The following TMEM117 variants were observed in gnomAD, a reference collection of about 807,000 sequenced individuals.
TMEM117 encodes the protein transmembrane protein 117.
In TMEM117, 27 loss-of-function variants were observed where a neutral mutation model predicts 52.4. That is an observed-to-expected ratio of 0.51 (90% CI 0.38 to 0.71). TMEM117 has a LOEUF of 0.71. Among genes scored for constraint, TMEM117 ranks in the 30% least tolerant of loss-of-function variants. TMEM117 has a pLI of 0.00. For synonymous variants in TMEM117, 215 were observed against 206.3 expected, an observed-to-expected ratio of 1.04 and a Z score of -0.36; for missense variants, 556 against 630.5, an observed-to-expected ratio of 0.88 and a Z score of 1.26.
chr12:44,388,650 C>G lies in TMEM117; in HGVS notation c.1523C>G (p.Ser508Cys), dbSNP rs747606972. Reference sequence around the variant, plus strand: ...GAAGCTGATCAAGACCCAACGACTTCTAAAAGTACACCTACGAACTAGACT... The same window carrying G: ...GAAGCTGATCAAGACCCAACGACTTGTAAAAGTACACCTACGAACTAGACT... ...ATEADQDPTT[S>C]KSTPTN Residue 508 changes from serine to cysteine, a missense_variant, in exon 8 of 8, where the codon TCT becomes TGT. Transcript: ENST00000266534. 4.3e-6 allele frequency: 7 copies of G among 1,613,082 alleles called. No homozygotes were observed. The highest frequency in any genetic ancestry group is 5.1e-6 in the Non-Finnish European group (6 of 1,179,414).
At chr12:44,237,665 C>T (rs988687645) in intron 5 of TMEM117, among the ~76,000 whole-genome samples, 11 of 151,584 alleles carry the variant, frequency 7.3e-5, no homozygotes, top group Admixed American at 1.3e-4. Context: ...TGATGTGAGC[C>T]GAGATCCCAC....
intron 3 of TMEM117, among the ~76,000 whole-genome samples, chr12:43,971,940 T>C (rs1306922931): frequency 1.3e-5 from 2 of 152,216 alleles, no homozygotes; most frequent in African/African-American, 2.4e-5. Context: ...CAACCACTAC[T>C]GCACTCCCTG....
chr12:44,327,884 C>T (rs1951217613), intron 6 of TMEM117, among the ~76,000 whole-genome samples: 1 of 152,144 alleles, frequency 6.6e-6, no homozygotes, highest in South Asian at 2.1e-4. Context: ...CTCCACACTT[C>T]CTGAGCTGGC....
chr12:43,835,044 A>G (rs1943007022), upstream of TMEM117, among the ~76,000 whole-genome samples: 1 of 152,202 alleles, frequency 6.6e-6, no homozygotes, highest in Admixed American at 6.5e-5. Flanking sequence ...GGGCATATAG[A>G]AATCCTATTT....
At chr12:43,946,406 T>A (rs12312338) in intron 3 of TMEM117, among the ~76,000 whole-genome samples, 13,403 of 130,110 alleles carry the variant, frequency 0.1, 953 homozygotes, top group Middle Eastern at 0.18. Flanking sequence ...TTTGTTTTTT[T>A]ATCTAGAGCT....
chr12:44,319,092 C>A, intron 6 of TMEM117, among the ~76,000 whole-genome samples: 1 of 152,210 alleles, frequency 6.6e-6, no homozygotes, highest in East Asian at 1.9e-4. Context: ...ACTGTCCACA[C>A]GCACCATTCA....
the TMEM117 span, among the ~76,000 whole-genome samples, chr12:43,810,650 A>C: frequency 6.6e-6 from 1 of 152,158 alleles, no homozygotes; most frequent in Non-Finnish European, 1.5e-5. Context: ...TTCATAGCAA[A>C]CTGACAAGCA....
intron 2 of TMEM117, among the ~76,000 whole-genome samples, chr12:43,862,576 A>C (rs1339654082): frequency 1.3e-5 from 2 of 152,254 alleles, no homozygotes; most frequent in African/African-American, 4.8e-5. Context: ...ACTGATATAG[A>C]AATTTAAAAA....
At chr12:43,980,057 C>T (rs1000230778) in intron 3 of TMEM117, among the ~76,000 whole-genome samples, 22 of 152,114 alleles carry the variant, frequency 1.4e-4, no homozygotes, top group African/African-American at 4.8e-4. Context: ...AGGCTAAGAG[C>T]TCCCCTTCTA....
chr12:43,868,142 TTCTC>T (rs77685975), intron 2 of TMEM117, among the ~76,000 whole-genome samples: 6,865 of 148,578 alleles, frequency 0.046, 203 homozygotes, highest in Middle Eastern at 0.13. Context: ...GTCTCTCTCC[TTCTC>T]TCTCTCTCTT....
intron 3 of TMEM117, among the ~76,000 whole-genome samples, chr12:44,024,257 A>T (rs1036481022): frequency 2.6e-5 from 4 of 152,228 alleles, no homozygotes; most frequent in African/African-American, 9.6e-5. Context: ...TGATATATCT[A>T]CTTAGATTAT....
chr12:43,955,005 A>G (rs1426631019), intron 3 of TMEM117, among the ~76,000 whole-genome samples: 1 of 152,228 alleles, frequency 6.6e-6, no homozygotes, highest in African/African-American at 2.4e-5. Flanking sequence ...AATGCAATTC[A>G]CCACATAAGC....
chr12:44,218,240 A>C (rs1949744428), intron 5 of TMEM117, among the ~76,000 whole-genome samples: 1 of 152,024 alleles, frequency 6.6e-6, no homozygotes, highest in African/African-American at 2.4e-5. Context: ...CAAAAAACAA[A>C]AAACTAGCAA....
intron 5 of TMEM117, among the ~76,000 whole-genome samples, chr12:44,291,857 A>T (rs984142407): frequency 2.0e-5 from 3 of 151,944 alleles, no homozygotes; most frequent in Admixed American, 6.6e-5. Flanking sequence ...TGATCATGGT[A>T]TTCTTTTAAA....
rs969780561 is a variant in TMEM117, at chr12:44,084,152, C to T, written c.411-59373C>T. ...TAGAAATATGTTTGTGTTTTTTCAG[C>T]CCAAACTAAGAGTGATCCTTTATCC... is the stretch of plus-strand genomic sequence containing the variant. On this transcript the variant is annotated intron_variant, in intron 3 of 7. Transcript: ENST00000266534. Among the ~76,000 whole-genome samples the T allele has an allele frequency of 3.9e-5, 6 of 152,072 alleles. No individual in the cohort carries two copies. The East Asian group carries it at 1.2e-3, about 29-fold the overall frequency.
At chr12:44,083,457 A>G (rs887315910) in intron 3 of TMEM117, 3 of 137,726 alleles carry the variant, frequency 2.2e-5, no homozygotes, top group African/African-American at 8.4e-5. Flanking sequence ...ACTGGAGTGC[A>G]GTAGTGGGAT....
intron 3 of TMEM117, among the ~76,000 whole-genome samples, chr12:44,029,386 C>T (rs1187248991): frequency 6.6e-6 from 1 of 152,168 alleles, no homozygotes; most frequent in Non-Finnish European, 1.5e-5. Context: ...AATCCTTAGG[C>T]ATGTACAGGC....
intron 1 of TMEM117, among the ~76,000 whole-genome samples, chr12:43,842,941 C>A (rs1308228687): frequency 6.6e-6 from 1 of 152,122 alleles, no homozygotes. Context: ...GTGATCAGCA[C>A]CTGGAGTCAG....
At position 44,239,166 on chromosome 12, in the gene TMEM117, C is replaced by T. The variant is rs533533506; in HGVS notation, c.608+27779C>T. Among the ~76,000 whole-genome samples, 234 of 152,200 alleles carry T rather than the reference C, an allele frequency of 1.5e-3. 2 individuals carry two copies. The highest frequency in any genetic ancestry group is 5.2e-3 in the African/African-American group (215 of 41,544). On this transcript the variant is annotated intron_variant, in intron 5 of 7. Coordinates refer to ENST00000266534, the MANE Select transcript of TMEM117 (RefSeq NM_032256.3). ...ATCCGCTTTGTGATTTTGTCTTTCA[C>T]GGTATTATGTTTCTCAACTTTTTAT...
Sources: gnomAD v4.1 joint callset for allele counts (sites outside exome capture counted in the v4.1 genomes callset) on GRCh38, gnomAD v4.1.1 for gene constraint, MANE v1.5 for transcripts, NCBI Gene and HGNC (gene_info 2026-07-23, HGNC 2026-07-21) for gene names.